Variants in AGMO observed in about 807,000 individuals in gnomAD.
The protein encoded by AGMO is glyceryl-ether monooxygenase.
Under a neutral mutation model 60.2 loss-of-function variants are expected in AGMO, and 75 were observed. The ratio of observed to expected loss-of-function variants is 1.25; its 90% CI spans 1.03 to 1.51. The LOEUF (loss-of-function observed/expected upper bound fraction) is 1.51, where lower values mean the gene tolerates loss of function less well. Among genes scored for constraint, AGMO ranks in the 40% most tolerant of loss-of-function variants. The probability of loss-of-function intolerance (pLI) is 0.00; values close to 1 mark genes in which losing one functional copy is unlikely to be tolerated. For synonymous variants in AGMO, 261 were observed against 177.1 expected (o/e 1.47, Z -3.76); for missense variants, 763 against 525.5 (o/e 1.45, Z -4.42).
chr7:15,236,724 A>G (rs543157777), intron 12 of AGMO, among the ~76,000 whole-genome samples: 32 of 152,096 alleles, frequency 2.1e-4, no homozygotes, highest in Non-Finnish European at 4.1e-4. Context: ...TCTCATTGCT[A>G]TCTACTGGAA....
chr7:15,542,758 T>A (rs1026073218), intron 3 of AGMO, among the ~76,000 whole-genome samples: 1 of 152,198 alleles, frequency 6.6e-6, no homozygotes, highest in Non-Finnish European at 1.5e-5. Context: ...CATGTTTGAT[T>A]TTGGAGTAGC....
intron 12 of AGMO, among the ~76,000 whole-genome samples, chr7:15,327,033 CATATA>C (rs1002076079): frequency 2.0e-5 from 3 of 152,098 alleles, no homozygotes; most frequent in African/African-American, 4.8e-5. Flanking sequence ...AAGTTCATAA[CATATA>C]ATATTTGTAA....
intron 5 of AGMO, among the ~76,000 whole-genome samples, chr7:15,394,393 T>C (rs74531661): frequency 0.014 from 2,187 of 152,284 alleles, 40 homozygotes; most frequent in African/African-American, 0.049. Flanking sequence ...ATGGTGAGTA[T>C]GGTGTCGTGG....
chr7:15,534,305 C>A (rs1387089231), intron 3 of AGMO, among the ~76,000 whole-genome samples: 2 of 151,980 alleles, frequency 1.3e-5, no homozygotes, highest in African/African-American at 2.4e-5. Context: ...GATTTTATTT[C>A]TTTTAAAACC....
chr7:15,510,419 C>G (rs1357431206), intron 3 of AGMO, among the ~76,000 whole-genome samples: 1 of 151,866 alleles, frequency 6.6e-6, no homozygotes, highest in Non-Finnish European at 1.5e-5. Flanking sequence ...CTCAAACAAT[C>G]CTCTCGTCTC....
At chr7:15,229,773 AT>A (rs1328153890) in intron 12 of AGMO, among the ~76,000 whole-genome samples, 1 of 148,136 alleles carries the variant, frequency 6.8e-6, no homozygotes, top group East Asian at 1.9e-4. Flanking sequence ...ATATATAATT[AT>A]TAGATCAAAG....
chr7:15,468,598 A>G (rs568551097), intron 3 of AGMO, among the ~76,000 whole-genome samples: 135 of 152,220 alleles, frequency 8.9e-4, no homozygotes, highest in Non-Finnish European at 1.7e-3. Context: ...TTTGATAAGA[A>G]CGTGCCTTAG....
At chr7:15,394,325 A>C (rs1784280996) in intron 5 of AGMO, 146 bp from the exon 6 acceptor site, 2 of 647,418 alleles carry the variant, frequency 3.1e-6, no homozygotes, top group Non-Finnish European at 5.4e-6. Flanking sequence ...AGTTCCACTG[A>C]AATCTGGAAT....
chr7:15,388,520 G>T (rs1052375817), intron 8 of AGMO, among the ~76,000 whole-genome samples: 1 of 152,106 alleles, frequency 6.6e-6, no homozygotes, highest in Non-Finnish European at 1.5e-5. Context: ...GTACAGTTTT[G>T]TTTCTATCAT....
At chr7:15,149,527 A>T in the AGMO span, among the ~76,000 whole-genome samples, 1 of 152,050 alleles carries the variant, frequency 6.6e-6, no homozygotes, top group Non-Finnish European at 1.5e-5. Context: ...TTTAATCTGC[A>T]TATGTTTAGC....
chr7:15,304,513 A>G (rs561942182), intron 12 of AGMO, among the ~76,000 whole-genome samples: 3 of 152,238 alleles, frequency 2.0e-5, no homozygotes, highest in South Asian at 4.1e-4. Context: ...GGTTTGTTAC[A>G]TCAGTTTTAT....
chr7:15,309,679 C>T (rs1001819052), intron 12 of AGMO, among the ~76,000 whole-genome samples: 1 of 151,818 alleles, frequency 6.6e-6, no homozygotes, highest in African/African-American at 2.4e-5. Context: ...GTGTATATAT[C>T]CTCTCTAAAA....
chr7:15,241,256 C>G lies in AGMO; in HGVS notation c.1264-39897G>C, dbSNP rs570721970. 5.9e-5 allele frequency among the ~76,000 whole-genome samples: 9 copies of G among 151,424 alleles called. No individual in the cohort carries two copies. In the East Asian group the frequency reaches 1.2e-3, roughly 20 times the overall value. ...CGGGCGGATCACGAGGTCAGGAGAT[C>G]GAGACCATCCTGGCTAACACGGTGA... is the stretch of plus-strand genomic sequence containing the variant. On this transcript the variant is annotated intron_variant, in intron 12 of 12. Transcript: ENST00000342526.
At chr7:15,387,289 T>C in intron 9 of AGMO, 117 bp downstream of exon 9, 1 of 1,227,878 alleles carries the variant, frequency 8.1e-7, no homozygotes, top group East Asian at 2.3e-5. Context: ...GGACTGCATC[T>C]GACTGGGGGA....
intron 3 of AGMO, among the ~76,000 whole-genome samples, chr7:15,504,955 C>T (rs981179373): frequency 1.3e-5 from 2 of 151,860 alleles, no homozygotes; most frequent in Non-Finnish European, 2.9e-5. Context: ...AAAATATCAT[C>T]AGTAATCATT....
chr7:15,155,808 T>C, the AGMO span, among the ~76,000 whole-genome samples: 1 of 152,140 alleles, frequency 6.6e-6, no homozygotes, highest in African/African-American at 2.4e-5. Flanking sequence ...TATGGGGCAT[T>C]TTGCTTTTAT....
chr7:15,467,932 C>A (rs1782337705), intron 3 of AGMO, among the ~76,000 whole-genome samples: 1 of 152,060 alleles, frequency 6.6e-6, no homozygotes, highest in South Asian at 2.1e-4. Context: ...CCCGTACCCT[C>A]CCTGCCACCC....
chr7:15,514,817 T>C (rs1378623513), intron 3 of AGMO, among the ~76,000 whole-genome samples: 1 of 152,228 alleles, frequency 6.6e-6, no homozygotes, highest in Non-Finnish European at 1.5e-5. Context: ...CAGAGACTTC[T>C]CCAGAAATGG....
intron 3 of AGMO, among the ~76,000 whole-genome samples, chr7:15,498,101 A>G (rs1044568353): frequency 3.3e-5 from 5 of 152,054 alleles, no homozygotes; most frequent in African/African-American, 9.7e-5. Context: ...TCAAAAGCTT[A>G]TAACTTACAA....
Sources: allele counts gnomAD v4.1 joint callset (sites outside exome capture counted in the v4.1 genomes callset), GRCh38; gene constraint gnomAD v4.1.1; transcripts MANE v1.5; gene names NCBI Gene and HGNC (gene_info 2026-07-23, HGNC 2026-07-21).